ADGRL3: variants seen among roughly 807,000 people sequenced by gnomAD.
The protein encoded by ADGRL3 is adhesion G protein-coupled receptor L3.
ADGRL3 carries 62 observed loss-of-function variants against 153.5 expected under a neutral mutation model. The ratio of observed to expected loss-of-function variants is 0.40; its 90% confidence interval spans 0.33 to 0.50. The LOEUF (loss-of-function observed/expected upper bound fraction) is 0.50. ADGRL3 is among the 20% of genes least tolerant of loss of function. ADGRL3 has a pLI of 0.47. For synonymous variants in ADGRL3, 710 were observed against 672.5 expected, an observed-to-expected ratio of 1.06 and a Z score of -0.86; for missense variants, 1,641 against 1,859.4, an observed-to-expected ratio of 0.88 and a Z score of 2.16.
chr4:61,368,012 GTT>G (rs1371770295), intron 1 of ADGRL3, among the ~76,000 whole-genome samples: 1 of 151,370 alleles, frequency 6.6e-6, no homozygotes, highest in Non-Finnish European at 1.5e-5. Flanking sequence ...TTTTTCATGT[GTT>G]TTTTGGCTGC....
At chr4:61,408,239 T>G (rs758295443) in intron 2 of ADGRL3, among the ~76,000 whole-genome samples, 19 of 152,098 alleles carry the variant, frequency 1.2e-4, no homozygotes, top group Non-Finnish European at 2.5e-4. Context: ...CTGTATGTTT[T>G]CTTTTTGTTA....
chr4:61,251,418 G>A (rs1168357387), intron 1 of ADGRL3, among the ~76,000 whole-genome samples: 1 of 152,132 alleles, frequency 6.6e-6, no homozygotes, highest in Non-Finnish European at 1.5e-5. Context: ...AAGCTGCATG[G>A]CATTTGATGA....
intron 21 of ADGRL3, among the ~76,000 whole-genome samples, chr4:62,012,890 A>G (rs915847841): frequency 8.5e-5 from 13 of 152,184 alleles, no homozygotes; most frequent in Admixed American, 2.0e-4. Context: ...AAAGTTAATT[A>G]CTGAGTGAAA....
At chr4:61,688,208 GA>G (rs1367996690) in intron 6 of ADGRL3, among the ~76,000 whole-genome samples, 1 of 152,088 alleles carries the variant, frequency 6.6e-6, no homozygotes, top group Non-Finnish European at 1.5e-5. Flanking sequence ...GTGATTTGGA[GA>G]AAAAATAAGT....
intron 9 of ADGRL3, among the ~76,000 whole-genome samples, chr4:61,843,615 C>T (rs2098067381): frequency 1.3e-5 from 2 of 151,834 alleles, no homozygotes; most frequent in African/African-American, 2.4e-5. Context: ...GTTTTTTCCT[C>T]GAAAGAGAAA....
In ADGRL3 at chr4:62,042,713, C is replaced by T. The variant is rs575364201; in HGVS notation, c.3718-1740C>T. Among the ~76,000 whole-genome samples, 39 of 152,076 alleles carry T rather than the reference C, an allele frequency of 2.6e-4. 1 individual carries two copies. Among genetic ancestry groups the T allele is most frequent in the African/African-American group, 9.4e-4 (39 of 41,514 alleles). On this transcript the variant is annotated intron_variant, in intron 24 of 26. Transcript: ENST00000683033. The stretch of plus-strand genomic sequence containing the variant: ...TCAGACTCCCTAGACAAGGACATAT[C>T]CCTTAATATATGGTAAAAATAAATG...
At chr4:61,788,203 A>G (rs1226119213) in intron 8 of ADGRL3, among the ~76,000 whole-genome samples, 3 of 152,204 alleles carry the variant, frequency 2.0e-5, no homozygotes, top group African/African-American at 7.2e-5. Flanking sequence ...AGTCTATCCC[A>G]TGTGACAACT....
At chr4:61,704,296 G>T (rs2095819339) in intron 6 of ADGRL3, among the ~76,000 whole-genome samples, 1 of 152,074 alleles carries the variant, frequency 6.6e-6, no homozygotes, top group African/African-American at 2.4e-5. Flanking sequence ...TTTAGTTCCA[G>T]ATCACTGCAA....
At chr4:61,724,619 G>A (rs968874523) in intron 6 of ADGRL3, among the ~76,000 whole-genome samples, 2 of 152,054 alleles carry the variant, frequency 1.3e-5, no homozygotes, top group African/African-American at 4.8e-5. Flanking sequence ...TGATGCATGG[G>A]TATTATTTGA....
Position 61,983,631 on chromosome 4 carries a change from A to T in ADGRL3, c.3236+28A>T, listed in dbSNP as rs1358118186. Reference sequence around the variant, plus strand: ...AAGTTTATTGTTTTCTTTCTTTTTAAATCTAGGTGAAATAAAAGTGTTGGA... The same window carrying T: ...AAGTTTATTGTTTTCTTTCTTTTTATATCTAGGTGAAATAAAAGTGTTGGA... On this transcript the variant is annotated intron_variant, in intron 19 of 26. Transcript: ENST00000683033. 8 of 1,591,354 alleles carry T rather than the reference A, an allele frequency of 5.0e-6. No individual in the cohort carries two copies. The African/African-American group carries it at 1.1e-4, about 21-fold the overall frequency.
intron 21 of ADGRL3, among the ~76,000 whole-genome samples, chr4:62,014,198 A>G (rs2099200739): frequency 6.6e-6 from 1 of 152,128 alleles, no homozygotes; most frequent in Admixed American, 6.6e-5. Flanking sequence ...TGGGGAAATC[A>G]TGATCTGGTG....
At chr4:61,631,169 C>G (rs2093143428) in intron 5 of ADGRL3, among the ~76,000 whole-genome samples, 1 of 152,102 alleles carries the variant, frequency 6.6e-6, no homozygotes, top group Admixed American at 6.5e-5. Context: ...TGAATTTGCA[C>G]CTTTCTCAAT....
intron 1 of ADGRL3, among the ~76,000 whole-genome samples, chr4:61,328,359 G>T (rs1233103496): frequency 6.6e-6 from 1 of 152,168 alleles, no homozygotes; most frequent in Non-Finnish European, 1.5e-5. Context: ...GTAGGAACTA[G>T]TGATGCTTTC....
At chr4:61,779,830 T>C (rs997515456) in intron 8 of ADGRL3, among the ~76,000 whole-genome samples, 4 of 152,120 alleles carry the variant, frequency 2.6e-5, no homozygotes, top group African/African-American at 9.7e-5. Context: ...TAATGACTAA[T>C]TAGATGTTTC....
intron 2 of ADGRL3, among the ~76,000 whole-genome samples, chr4:61,456,464 GATATATCTATATCTATAT>G (rs1560665231): frequency 6.9e-4 from 70 of 101,766 alleles, no homozygotes; most frequent in Middle Eastern, 5.3e-3. Context: ...TATATATATA[GATATATCTATATCTATAT>G]ATATAGATAT....
chr4:61,532,558 G>GTGTGTA (rs1429365995), intron 4 of ADGRL3, among the ~76,000 whole-genome samples: 3 of 149,874 alleles, frequency 2.0e-5, no homozygotes, highest in Admixed American at 2.0e-4. Context: ...GCGCGCGCGT[G>GTGTGTA]TGTGTGTGTG....
At chr4:61,425,368 C>G (rs1454610674) in intron 2 of ADGRL3, 1 of 152,310 alleles carries the variant, frequency 6.6e-6, no homozygotes, top group Non-Finnish European at 1.5e-5. Flanking sequence ...ATGTCCAGTT[C>G]TCCATAGAAG....
chr4:61,306,501 A>C (rs2094795211), intron 1 of ADGRL3, among the ~76,000 whole-genome samples: 1 of 150,594 alleles, frequency 6.6e-6, no homozygotes, highest in African/African-American at 2.4e-5. Context: ...GTAACATGTA[A>C]ATTTCCATGT....
chr4:61,374,707 C>G (rs150281735), intron 1 of ADGRL3, among the ~76,000 whole-genome samples: 23 of 152,190 alleles, frequency 1.5e-4, no homozygotes, highest in African/African-American at 5.3e-4. Flanking sequence ...TTTCAGACCT[C>G]CAGCCAGATT....
Sources: allele counts gnomAD v4.1 joint callset (sites outside exome capture counted in the v4.1 genomes callset), GRCh38; gene constraint gnomAD v4.1.1; transcripts MANE v1.5; gene names NCBI Gene and HGNC (gene_info 2026-07-23, HGNC 2026-07-21).